Variants in BCL9 observed in about 807,000 individuals in gnomAD.
The protein encoded by BCL9 is BCL9 transcription coactivator.
In BCL9, 25 loss-of-function variants were observed where a neutral mutation model predicts 88.5. That is an observed-to-expected ratio of 0.28 (90% CI 0.21 to 0.39). The LOEUF (loss-of-function observed/expected upper bound fraction) is 0.39, where lower values mean the gene tolerates loss of function less well. Ranked by LOEUF, BCL9 falls within the 10% of genes least tolerant of loss-of-function variation. The probability of loss-of-function intolerance (pLI) is 1.00; values close to 1 mark genes in which losing one functional copy is unlikely to be tolerated. For synonymous variants in BCL9, 711 were observed against 673.3 expected, an observed-to-expected ratio of 1.06 and a Z score of -0.87; for missense variants, 1,817 against 1,877.8, an observed-to-expected ratio of 0.97 and a Z score of 0.60.
At chr1:147,561,429 T>C (rs587764370) in intron 1 of BCL9, among the ~76,000 whole-genome samples, 81 of 152,292 alleles carry the variant, frequency 5.3e-4, no homozygotes, top group African/African-American at 1.9e-3. Flanking sequence ...TTTCCAGGCT[T>C]ATTTGTGTTT....
rs781833834 is a variant in BCL9, at chr1:147,573,329, T to A, written c.-477-31448T>A. On this transcript the variant is annotated intron_variant, in intron 1 of 9. Coordinates refer to ENST00000234739, the MANE Select transcript of BCL9 (RefSeq NM_004326.4). ...TTACCCTGGCGTGGTGGCACATGCC[T>A]GTAATCCCAGCTACTCGGGAGGCTG... Among the ~76,000 whole-genome samples the A allele has an allele frequency of 5.3e-5, 8 of 152,302 alleles. No homozygotes were observed. The East Asian group carries it at 7.7e-4, about 15-fold the overall frequency.
At chr1:147,593,047 G>A (rs2101575355) in intron 1 of BCL9, among the ~76,000 whole-genome samples, 1 of 152,270 alleles carries the variant, frequency 6.6e-6, no homozygotes, top group Non-Finnish European at 1.5e-5. Flanking sequence ...AACTTCATGA[G>A]AAACAAACCT....
chr1:147,600,235 C>G (rs1001948456), intron 1 of BCL9: 8 of 162,320 alleles, frequency 4.9e-5, no homozygotes, highest in African/African-American at 1.9e-4. Context: ...GCTGCGCCGC[C>G]GCTGCCGCTG....
intron 6 of BCL9, among the ~76,000 whole-genome samples, chr1:147,615,520 C>T (rs1557856714): frequency 6.6e-6 from 1 of 152,200 alleles, no homozygotes; most frequent in African/African-American, 2.4e-5. Flanking sequence ...CTATAAAACA[C>T]CTACCACAGC....
chr1:147,602,845 A>G (rs1368864694), intron 1 of BCL9, among the ~76,000 whole-genome samples: 1 of 152,228 alleles, frequency 6.6e-6, no homozygotes, highest in Non-Finnish European at 1.5e-5. Context: ...CAAGCATTAT[A>G]ATAAACTAAA....
At chr1:147,547,836 T>C (rs1253299362) in intron 1 of BCL9, among the ~76,000 whole-genome samples, 3 of 152,358 alleles carry the variant, frequency 2.0e-5, no homozygotes, top group Non-Finnish European at 4.4e-5. Flanking sequence ...GTGAAGCGTT[T>C]GGTTACCGAT....
intron 1 of BCL9, among the ~76,000 whole-genome samples, chr1:147,595,337 A>G (rs1207290761): frequency 6.6e-6 from 1 of 152,258 alleles, no homozygotes; most frequent in Non-Finnish European, 1.5e-5. Flanking sequence ...AATGCAAACC[A>G]CAAAGGTGAA....
chr1:147,553,008 CTGGATT>C, intron 1 of BCL9, among the ~76,000 whole-genome samples: 1 of 150,408 alleles, frequency 6.6e-6, no homozygotes, highest in Non-Finnish European at 1.5e-5. Flanking sequence ...ACCAGGCTTT[CTGGATT>C]TGGTGGTTTT....
intron 1 of BCL9, among the ~76,000 whole-genome samples, chr1:147,566,039 A>C (rs1035387403): frequency 3.3e-5 from 5 of 152,220 alleles, no homozygotes; most frequent in Non-Finnish European, 5.9e-5. Context: ...CTGAGAGCCC[A>C]TAATCAAGGG....
chr1:147,572,647 T>C (rs183244486), intron 1 of BCL9, among the ~76,000 whole-genome samples: 10 of 152,348 alleles, frequency 6.6e-5, no homozygotes, highest in Admixed American at 6.5e-4. Flanking sequence ...TGGCACGATA[T>C]TGGCTTATTG....
intron 1 of BCL9, among the ~76,000 whole-genome samples, chr1:147,572,110 C>T (rs1290281983): frequency 4.0e-5 from 6 of 151,406 alleles, no homozygotes; most frequent in South Asian, 4.2e-4. Context: ...GACGTGGTGG[C>T]GGGAGCCTGT....
intron 1 of BCL9, among the ~76,000 whole-genome samples, chr1:147,563,580 T>G (rs916827653): frequency 6.6e-6 from 1 of 152,222 alleles, no homozygotes; most frequent in Middle Eastern, 3.2e-3. Context: ...AGGCATCACT[T>G]CAGTGCTTCT....
intron 1 of BCL9, among the ~76,000 whole-genome samples, chr1:147,565,008 T>C (rs1283969285): frequency 6.6e-6 from 1 of 152,098 alleles, no homozygotes; most frequent in Non-Finnish European, 1.5e-5. Flanking sequence ...GGCTACCATA[T>C]TGGGCAGTGC....
chr1:147,616,691 T>C (rs981719014), intron 7 of BCL9, among the ~76,000 whole-genome samples: 3 of 151,448 alleles, frequency 2.0e-5, no homozygotes, highest in Non-Finnish European at 4.4e-5. Flanking sequence ...GGCCTGAACC[T>C]GGGAGGCGGA....
At chr1:147,546,160 C>A (rs782271245) in intron 1 of BCL9, among the ~76,000 whole-genome samples, 36 of 151,908 alleles carry the variant, frequency 2.4e-4, no homozygotes, top group Non-Finnish European at 4.6e-4. Context: ...AACGGTGAAA[C>A]CCCGTCTCTA....
In BCL9 at chr1:147,620,013, C is replaced by T. The variant is rs200898274; in HGVS notation, c.1858C>T (p.Arg620Cys). The stretch of plus-strand genomic sequence containing the variant: ...TTTCAGCGGTCCTGGCCGAGGGGAA[C>T]GCTTCCCAAACCCCCAAGGATTGTC... The part of the protein sequence containing the change: ...GIFSGPGRGE[R>C]FPNPQGLSEE... Residue 620 changes from arginine (R) to cysteine (C), a missense_variant, in exon 8 of 10, where the codon CGC becomes TGC. Transcript: ENST00000234739. 1.2e-5 allele frequency: 19 copies of T among 1,614,184 alleles called. No individual in the cohort carries two copies. The African/African-American group carries it at 1.3e-4, about 11-fold the overall frequency.
chr1:147,612,912 T>C lies in BCL9; in HGVS notation c.83T>C (p.Val28Ala). The C allele has an allele frequency of 1.2e-6, 2 of 1,614,008 alleles. No homozygotes were observed. The highest frequency in any genetic ancestry group is 1.7e-6 in the Non-Finnish European group (2 of 1,179,944). Residue 28 changes from valine (V) to alanine (A), a missense_variant, in exon 5 of 10, where the codon GTC becomes GCC. Transcript: ENST00000234739. ...SSPKSKQEVM[V>A]RPPTVMSPSG... is the part of the protein sequence containing the mutation. ...CCTAAGTCAAAGCAGGAGGTGATGG[T>C]CCGTCCCCCTACAGTGATGTCCCCA...
intron 1 of BCL9, among the ~76,000 whole-genome samples, chr1:147,576,320 A>T (rs1570848072): frequency 6.6e-6 from 1 of 152,196 alleles, no homozygotes. Flanking sequence ...CACTCTAGAG[A>T]TAATCAGTTT....
At chr1:147,562,760 T>C (rs974535259) in intron 1 of BCL9, among the ~76,000 whole-genome samples, 1 of 152,184 alleles carries the variant, frequency 6.6e-6, no homozygotes, top group African/African-American at 2.4e-5. Context: ...CATTTATACT[T>C]AGGAGTGTGG....
Sources: gnomAD v4.1 joint callset for allele counts (sites outside exome capture counted in the v4.1 genomes callset) on GRCh38, gnomAD v4.1.1 for gene constraint, MANE v1.5 for transcripts, NCBI Gene and HGNC (gene_info 2026-07-23, HGNC 2026-07-21) for gene names.